The following KIF11 variants were observed in gnomAD, a reference collection of about 807,000 sequenced individuals.
KIF11 encodes the protein kinesin-like protein KIF11.
In KIF11, 9 loss-of-function variants were observed where a neutral mutation model predicts 121.0. The observed-to-expected ratio is 0.07, with a 90% CI of 0.04 to 0.13. The LOEUF (loss-of-function observed/expected upper bound fraction) is 0.13, where lower values mean the gene tolerates loss of function less well. Among genes scored for constraint, KIF11 ranks in the 10% least tolerant of loss-of-function variants. KIF11 has a pLI of 1.00. For synonymous variants in KIF11, 408 were observed against 421.0 expected, an observed-to-expected ratio of 0.97 and a Z score of 0.38; for missense variants, 846 against 1,217.5, an observed-to-expected ratio of 0.69 and a Z score of 4.54.
At position 92,609,370 on chromosome 10, in the gene KIF11, T is replaced by C; in HGVS notation, c.574-15T>C. ...TTAACCAATCTAATGGATGTTCTTT[T>C]GGTATTTTGGTCAGAGAGGAGTGAT... is the stretch of plus-strand genomic sequence containing the variant. On this transcript the variant is annotated splice_polypyrimidine_tract_variant and intron_variant, in intron 5 of 21. Coordinates refer to ENST00000260731, the MANE Select transcript of KIF11 (RefSeq NM_004523.4). The C allele has an allele frequency of 1.2e-6, 2 of 1,608,772 alleles. No individual in the cohort carries two copies. The highest frequency in any genetic ancestry group is 1.7e-6 in the Non-Finnish European group (2 of 1,177,906).
Position 92,620,332 on chromosome 10 carries a change from G to A in KIF11, c.1129-1053G>A, listed in dbSNP as rs545051066. On this transcript the variant is annotated intron_variant, in intron 9 of 21. Coordinates refer to ENST00000260731, the MANE Select transcript of KIF11 (RefSeq NM_004523.4). ...CCTGACCTTGTGATCCGCCCGCCTC[G>A]GCCTCCCAAAGTGCTGGGATTACAG... Among the ~76,000 whole-genome samples, 1,319 of 152,080 alleles carry A rather than the reference G, an allele frequency of 8.7e-3. 20 individuals are homozygous for A. The highest frequency in any genetic ancestry group is 0.03 in the African/African-American group (1,255 of 41,488).
intron 11 of KIF11, among the ~76,000 whole-genome samples, chr10:92,629,273 C>T (rs1844709975): frequency 6.6e-6 from 1 of 151,668 alleles, no homozygotes; most frequent in Admixed American, 6.6e-5. Flanking sequence ...TGAGCCACTG[C>T]ACCCAGCTCC....
At chr10:92,608,478 G>A (rs933659020) in intron 4 of KIF11, among the ~76,000 whole-genome samples, 5 of 150,438 alleles carry the variant, frequency 3.3e-5, no homozygotes, top group Admixed American at 1.3e-4. Context: ...TCGCTCTGTC[G>A]CCCAGGCTGG....
chr10:92,632,426 C>CT, intron 12 of KIF11, 60 bp from the exon 13 acceptor site: 1 of 1,100,594 alleles, frequency 9.1e-7, no homozygotes, highest in Non-Finnish European at 1.4e-6. Context: ...TGTGTAGATA[C>CT]TTTCATCAGA....
intron 21 of KIF11, among the ~76,000 whole-genome samples, chr10:92,652,266 G>A (rs534307399): frequency 1.3e-5 from 2 of 151,720 alleles, no homozygotes. Context: ...TCATCCTCCC[G>A]AGTAGCTGGG....
At chr10:92,636,002 AT>A (rs61688426) in intron 14 of KIF11, among the ~76,000 whole-genome samples, 22,705 of 152,014 alleles carry the variant, frequency 0.15, 3,610 homozygotes, top group African/African-American at 0.4. Context: ...TTAGATCAGG[AT>A]TTTTTTTCTT....
intron 20 of KIF11, 22 bp from the exon 21 acceptor site, chr10:92,650,379 C>G: frequency 1.4e-6 from 2 of 1,393,150 alleles, no homozygotes; most frequent in East Asian, 2.3e-5. Flanking sequence ...GACTTAGTCA[C>G]TCATCCAGTT....
chr10:92,638,038 C>T (rs1369793156), intron 16 of KIF11, among the ~76,000 whole-genome samples: 1 of 152,120 alleles, frequency 6.6e-6, no homozygotes, highest in Non-Finnish European at 1.5e-5. Context: ...GATTTATCTT[C>T]CCTGTAAACT....
At chr10:92,651,413 G>A (rs1056117664) in intron 21 of KIF11, among the ~76,000 whole-genome samples, 8 of 133,216 alleles carry the variant, frequency 6.0e-5, no homozygotes, top group Admixed American at 1.6e-4. Flanking sequence ...TTGGCTCACC[G>A]CAACTTCCAC....
At chr10:92,651,502 A>ATTTTTTTTTTTTTT (rs1343216900) in intron 21 of KIF11, among the ~76,000 whole-genome samples, 2 of 21,554 alleles carry the variant, frequency 9.3e-5, no homozygotes, top group African/African-American at 2.0e-4. Context: ...TGCCTGGCTA[A>ATTTTTTTTTTTTTT]TTTTGTTTTT....
At chr10:92,623,443 T>G (rs760102718) in intron 10 of KIF11, among the ~76,000 whole-genome samples, 1 of 152,214 alleles carries the variant, frequency 6.6e-6, no homozygotes, top group Non-Finnish European at 1.5e-5. Flanking sequence ...GAAGCAAGAC[T>G]TTCACAGAGC....
chr10:92,595,881 C>T (rs1000466052), intron 1 of KIF11, among the ~76,000 whole-genome samples: 1 of 152,146 alleles, frequency 6.6e-6, no homozygotes, highest in African/African-American at 2.4e-5. Context: ...CCAGGTTGGA[C>T]CATGTTGTAG....
At chr10:92,620,964 T>TTGAAG (rs1844610776) in intron 9 of KIF11, among the ~76,000 whole-genome samples, 1 of 152,248 alleles carries the variant, frequency 6.6e-6, no homozygotes. Context: ...TTCAAGTGGC[T>TTGAAG]TACTGAGTCC....
At chr10:92,651,502 A>ATTTTGTTTTTTTTTT (rs1844979681) in intron 21 of KIF11, among the ~76,000 whole-genome samples, 1 of 21,554 alleles carries the variant, frequency 4.6e-5, no homozygotes, top group Non-Finnish European at 8.1e-5. Flanking sequence ...TGCCTGGCTA[A>ATTTTGTTTTTTTTTT]TTTTGTTTTT....
chr10:92,654,714 C>G lies in KIF11; in HGVS notation c.*918C>G, dbSNP rs1487267970. 6.6e-6 allele frequency: 1 copy of G among 152,116 alleles called. No individual in the cohort carries two copies. The highest frequency in any genetic ancestry group is 1.5e-5 in the Non-Finnish European group (1 of 68,010). The allele number at this position is 152,116 out of a possible 1,614,324, so 9.4% of individuals were successfully genotyped here. A position where few individuals can be genotyped will look rare whatever the true frequency, so the allele number is the denominator to read the frequency against. On this transcript the variant is annotated 3_prime_UTR_variant, in exon 22 of 22. Coordinates refer to ENST00000260731, the MANE Select transcript of KIF11 (RefSeq NM_004523.4). ...CTAACCCTAGTTGTATCCCTCCTTT[C>G]AGTATTTTTCACTTGTTGCCCCAAA...
At chr10:92,652,389 C>T (rs1844997348) in intron 21 of KIF11, among the ~76,000 whole-genome samples, 1 of 152,142 alleles carries the variant, frequency 6.6e-6, no homozygotes, top group African/African-American at 2.4e-5. Flanking sequence ...ATCCGCCCGC[C>T]TCGGCCTCCC....
chr10:92,637,178 A>G lies in KIF11; in HGVS notation c.1876-6A>G. On this transcript the variant is annotated splice_polypyrimidine_tract_variant and splice_region_variant and intron_variant, in intron 14 of 21. Coordinates refer to ENST00000260731, the MANE Select transcript of KIF11 (RefSeq NM_004523.4). ...TAAAGACCTATTTGTTTATTTCTGA[A>G]ACCAGAATGTACTCAAGACTGATCT... 1 of 1,575,188 alleles carries G rather than the reference A, an allele frequency of 6.3e-7. No individual in the cohort carries two copies. The highest frequency in any genetic ancestry group is 8.6e-7 in the Non-Finnish European group (1 of 1,168,826).
At chr10:92,606,547 C>T (rs1844432591) in intron 2 of KIF11, 72 bp from the exon 3 acceptor site, 4 of 1,198,564 alleles carry the variant, frequency 3.3e-6, no homozygotes, top group South Asian at 1.4e-5. Flanking sequence ...AATTAGTTAA[C>T]ATACGAAAAA....
In KIF11 at chr10:92,637,304, G is replaced by A. The variant is rs201047452; in HGVS notation, c.1996G>A (p.Asp666Asn). 154 of 1,592,728 alleles carry A rather than the reference G, an allele frequency of 9.7e-5. 2 individuals carry two copies. In the Admixed American group the frequency reaches 2.4e-3, roughly 24 times the overall value. Reference protein sequence around the residue: ...HIFKTSLTVADKIEDQKKELD... With the variant: ...HIFKTSLTVANKIEDQKKELD... ...TTTCAAGACTTCATTGACAGTGGCCGATAAGGTAACAAATGCTATGTTCTT... is the reference window on the plus strand; with the variant it reads ...TTTCAAGACTTCATTGACAGTGGCCAATAAGGTAACAAATGCTATGTTCTT... Residue 666 changes from aspartate to asparagine, a missense_variant, in exon 15 of 22, where the codon GAT becomes AAT. Asp to Asn is a conservative substitution (Grantham distance 23). This residue lies in a region of KIF11 where 492 missense variants were observed against 603.4 expected (regional missense o/e 0.82). Coordinates refer to ENST00000260731, the MANE Select transcript of KIF11 (RefSeq NM_004523.4).
Sources: gnomAD v4.1 joint callset for allele counts (sites outside exome capture counted in the v4.1 genomes callset) on GRCh38, gnomAD v4.1.1 for gene constraint, gnomAD v4.1.1 regional missense constraint, MANE v1.5 for transcripts, NCBI Gene and HGNC (gene_info 2026-07-23, HGNC 2026-07-21) for gene names.